The following DPP10 variants were observed in gnomAD, a reference collection of about 807,000 sequenced individuals.
The protein encoded by DPP10 is dipeptidyl peptidase like 10, also known as inactive dipeptidyl peptidase 10.
A neutral mutation model predicts 120.9 loss-of-function variants in DPP10; 33 were observed. That is an observed-to-expected ratio of 0.27 (90% CI 0.21 to 0.37). The LOEUF (loss-of-function observed/expected upper bound fraction) is 0.37, where lower values mean the gene tolerates loss of function less well. Ranked by LOEUF, DPP10 falls within the 10% of genes least tolerant of loss-of-function variation. The probability of loss-of-function intolerance (pLI) is 1.00; values close to 1 mark genes in which losing one functional copy is unlikely to be tolerated. For synonymous variants in DPP10, 337 were observed against 326.1 expected (o/e 1.03, Z -0.36); for missense variants, 816 against 942.8 (o/e 0.87, Z 1.76).
intron 1 of DPP10, among the ~76,000 whole-genome samples, chr2:115,287,214 T>C (rs943301468): frequency 2.0e-5 from 3 of 152,146 alleles, no homozygotes; most frequent in African/African-American, 7.2e-5. Context: ...GAGACAAATA[T>C]TGAGGCAAGT....
chr2:115,797,063 T>C (rs575243382), intron 19 of DPP10, among the ~76,000 whole-genome samples: 351 of 152,218 alleles, frequency 2.3e-3, no homozygotes, highest in Non-Finnish European at 4.3e-3. Context: ...CAAATTCTTA[T>C]GAACTTTTCT....
chr2:115,010,369 CA>C (rs1283578051), intron 1 of DPP10, among the ~76,000 whole-genome samples: 1 of 152,062 alleles, frequency 6.6e-6, no homozygotes, highest in Non-Finnish European at 1.5e-5. Flanking sequence ...ATGTAAATCA[CA>C]GATAAAATTT....
At chr2:114,497,062 T>TAC (rs1682592367) in intron 1 of DPP10, among the ~76,000 whole-genome samples, 1 of 148,954 alleles carries the variant, frequency 6.7e-6, no homozygotes, top group Non-Finnish European at 1.5e-5. Flanking sequence ...CATACATATA[T>TAC]ACATACACAT....
intron 1 of DPP10, among the ~76,000 whole-genome samples, chr2:115,223,315 T>G (rs747953731): frequency 3.3e-5 from 5 of 152,282 alleles, no homozygotes; most frequent in Non-Finnish European, 7.4e-5. Context: ...AATTAATGAT[T>G]AATTTACTAT....
chr2:114,529,528 C>T (rs1000470953), intron 1 of DPP10, among the ~76,000 whole-genome samples: 1 of 152,098 alleles, frequency 6.6e-6, no homozygotes, highest in Non-Finnish European at 1.5e-5. Context: ...TGGGTTCCAG[C>T]CATGTTGCTC....
chr2:115,840,642 T>C, intron 24 of DPP10, 108 bp from the exon 25 acceptor site: 1 of 1,151,224 alleles, frequency 8.7e-7, no homozygotes, highest in Admixed American at 2.1e-5. Context: ...GTCTTTTAAA[T>C]GTGCAATGTA....
intron 3 of DPP10, among the ~76,000 whole-genome samples, chr2:115,380,031 C>G (rs4848388): frequency 0.65 from 98,333 of 151,944 alleles, 32,419 homozygotes; most frequent in Admixed American, 0.74. Flanking sequence ...ATATTCTGTT[C>G]ATTTGGGGTG....
chr2:114,759,483 A>G (rs1413583308), intron 1 of DPP10, among the ~76,000 whole-genome samples: 1 of 150,174 alleles, frequency 6.7e-6, no homozygotes, highest in Non-Finnish European at 1.5e-5. Context: ...TTTTTCTTTT[A>G]ATAAACTCTT....
intron 1 of DPP10, among the ~76,000 whole-genome samples, chr2:115,022,277 C>G (rs539336340): frequency 6.6e-6 from 1 of 152,098 alleles, no homozygotes; most frequent in African/African-American, 2.4e-5. Flanking sequence ...AAGACTTGTA[C>G]AAAAAGCTCC....
At chr2:115,791,445 GAGAAGTCCTA>G in intron 19 of DPP10, 89 bp downstream of exon 19, 1 of 1,182,468 alleles carries the variant, frequency 8.5e-7, no homozygotes, top group Non-Finnish European at 1.2e-6. Flanking sequence ...CAATAAAGAA[GAGAAGTCCTA>G]TGTGTGTAGT....
chr2:114,449,702 C>T (rs1240843812), intron 1 of DPP10, among the ~76,000 whole-genome samples: 3 of 152,108 alleles, frequency 2.0e-5, no homozygotes, highest in Non-Finnish European at 4.4e-5. Flanking sequence ...CTTAAATTAT[C>T]TGCCCAAACA....
intron 1 of DPP10, among the ~76,000 whole-genome samples, chr2:114,830,530 A>G (rs1267653208): frequency 3.0e-4 from 46 of 152,274 alleles, no homozygotes; most frequent in Middle Eastern, 3.4e-3. Flanking sequence ...TACACAACTT[A>G]CATGTACGTA....
intron 1 of DPP10, among the ~76,000 whole-genome samples, chr2:114,704,655 C>T (rs1418587333): frequency 6.6e-6 from 1 of 152,074 alleles, no homozygotes; most frequent in African/African-American, 2.4e-5. Flanking sequence ...ACTCTCTCTC[C>T]CTTTTAGGTA....
intron 3 of DPP10, among the ~76,000 whole-genome samples, chr2:115,348,323 A>G (rs978463932): frequency 3.3e-5 from 5 of 152,164 alleles, no homozygotes; most frequent in African/African-American, 4.8e-5. Flanking sequence ...TATTGACTTG[A>G]TCATGATCTA....
chr2:115,727,612 C>T (rs1189170211), intron 7 of DPP10, among the ~76,000 whole-genome samples: 1 of 151,840 alleles, frequency 6.6e-6, no homozygotes, highest in Non-Finnish European at 1.5e-5. Context: ...ATGGAATTTC[C>T]AAATGACAAC....
At chr2:115,538,211 G>A (rs2148951804) in intron 5 of DPP10, among the ~76,000 whole-genome samples, 1 of 152,090 alleles carries the variant, frequency 6.6e-6, no homozygotes. Context: ...ATTGCATGAA[G>A]ACTTGGAAAA....
At chr2:115,483,417 C>A (rs1192319148) in intron 3 of DPP10, among the ~76,000 whole-genome samples, 1 of 151,676 alleles carries the variant, frequency 6.6e-6, no homozygotes, top group Non-Finnish European at 1.5e-5. Context: ...TCTTTCACTG[C>A]CTGATATGTC....
intron 1 of DPP10, among the ~76,000 whole-genome samples, chr2:115,086,637 T>C (rs1365991504): frequency 1.3e-5 from 2 of 152,058 alleles, no homozygotes; most frequent in African/African-American, 4.8e-5. Context: ...TTTGTATTTT[T>C]AGTAGAGACA....
At chr2:114,491,823 G>A (rs1370319153) in intron 1 of DPP10, among the ~76,000 whole-genome samples, 2 of 152,176 alleles carry the variant, frequency 1.3e-5, no homozygotes, top group Non-Finnish European at 2.9e-5. Flanking sequence ...AACATTCTTA[G>A]ACAAGGTATT....
Sources: gnomAD v4.1 joint callset for allele counts (sites outside exome capture counted in the v4.1 genomes callset) on GRCh38, gnomAD v4.1.1 for gene constraint, MANE v1.5 for transcripts, NCBI Gene and HGNC (gene_info 2026-07-23, HGNC 2026-07-21) for gene names.